The following PPP1R9A variants were observed in gnomAD, a reference collection of about 807,000 sequenced individuals.
The protein encoded by PPP1R9A is neurabin-1.
A neutral mutation model predicts 141.9 loss-of-function variants in PPP1R9A; 59 were observed. That is an observed-to-expected ratio of 0.42 (90% CI 0.34 to 0.52). PPP1R9A has a LOEUF of 0.52. Ranked by LOEUF, PPP1R9A falls within the 20% of genes least tolerant of loss-of-function variation. PPP1R9A has a pLI of 0.10. For synonymous variants in PPP1R9A, 500 were observed against 569.7 expected, an observed-to-expected ratio of 0.88 and a Z score of 1.74; for missense variants, 1,444 against 1,611.9, an observed-to-expected ratio of 0.90 and a Z score of 1.78.
rs941590203 is a variant in PPP1R9A at position 95,084,337 on chromosome 7, C to A, written c.1396-26922C>A. Among the ~76,000 whole-genome samples the A allele has an allele frequency of 3.9e-5, 6 of 151,904 alleles. No homozygotes were observed. In the East Asian group the frequency reaches 7.7e-4, roughly 19 times the overall value. Reference sequence around the variant, plus strand: ...TAAAAATTAACTTTAATAGTGAAATCTTGAAAAAATAGGCTAAACGTCACT... The same window carrying A: ...TAAAAATTAACTTTAATAGTGAAATATTGAAAAAATAGGCTAAACGTCACT... On this transcript the variant is annotated intron_variant, in intron 2 of 19. Transcript: ENST00000433360.
At chr7:95,029,291 A>G (rs1417687577) in intron 2 of PPP1R9A, among the ~76,000 whole-genome samples, 1 of 152,114 alleles carries the variant, frequency 6.6e-6, no homozygotes, top group Non-Finnish European at 1.5e-5. Context: ...TATTATTGTT[A>G]TTGTTATTAT....
intron 2 of PPP1R9A, among the ~76,000 whole-genome samples, chr7:94,963,357 A>G (rs987254807): frequency 2.0e-5 from 3 of 152,082 alleles, no homozygotes; most frequent in Non-Finnish European, 2.9e-5. Context: ...TTTTTATAGC[A>G]GCTTTATTGA....
chr7:94,970,010 G>T lies in PPP1R9A; in HGVS notation c.1395+58502G>T, dbSNP rs528647368. 2.0e-5 allele frequency among the ~76,000 whole-genome samples: 3 copies of T among 152,248 alleles called. No homozygotes were observed. The East Asian group carries it at 5.8e-4, about 30-fold the overall frequency. ...GACACCCCTGCCCCCACCAAGCTGG[G>T]GTGTCCCAGGTCGACTTCATACTGC... On this transcript the variant is annotated intron_variant, in intron 2 of 19. Coordinates refer to ENST00000433360, the MANE Select transcript of PPP1R9A (RefSeq NM_001166160.2).
intron 8 of PPP1R9A, 46 bp downstream of exon 8, chr7:95,226,162 A>G (rs1585345782): frequency 4.5e-6 from 7 of 1,552,900 alleles, no homozygotes; most frequent in Non-Finnish European, 6.2e-6. Flanking sequence ...TGTCCATTTC[A>G]TTAAGTATAT....
chr7:95,122,259 G>T (rs1050143602), intron 4 of PPP1R9A, among the ~76,000 whole-genome samples: 1 of 150,392 alleles, frequency 6.6e-6, no homozygotes, highest in African/African-American at 2.5e-5. Flanking sequence ...TGATTCTCCT[G>T]CCTCAGCCTT....
intron 5 of PPP1R9A, among the ~76,000 whole-genome samples, chr7:95,168,355 A>G (rs970693435): frequency 2.6e-5 from 4 of 152,248 alleles, no homozygotes; most frequent in African/African-American, 4.8e-5. Context: ...GGAGAATGAA[A>G]CTGGACCCTT....
At chr7:95,015,217 A>AATATAT (rs139234228) in intron 2 of PPP1R9A, among the ~76,000 whole-genome samples, 14,319 of 149,314 alleles carry the variant, frequency 0.096, 1,011 homozygotes, top group African/African-American at 0.2. Context: ...TACACACACG[A>AATATAT]ATATATATAT....
intron 2 of PPP1R9A, among the ~76,000 whole-genome samples, chr7:95,073,066 A>G (rs751268038): frequency 6.8e-6 from 1 of 146,738 alleles, no homozygotes; most frequent in Non-Finnish European, 1.5e-5. Flanking sequence ...GCTCACTGTG[A>G]GCTCCGCTTC....
chr7:94,999,787 TTATTTA>T (rs1268459324), intron 2 of PPP1R9A, among the ~76,000 whole-genome samples: 1 of 148,372 alleles, frequency 6.7e-6, no homozygotes, highest in East Asian at 2.1e-4. Flanking sequence ...TTTTATTTAT[TTATTTA>T]TTTATTTATT....
chr7:95,134,959 TC>T (rs1217153376), intron 4 of PPP1R9A, among the ~76,000 whole-genome samples: 1 of 152,240 alleles, frequency 6.6e-6, no homozygotes, highest in Non-Finnish European at 1.5e-5. Flanking sequence ...CTGATGACTT[TC>T]GTTATTTGGA....
intron 2 of PPP1R9A, among the ~76,000 whole-genome samples, chr7:94,963,292 A>G (rs918582370): frequency 6.6e-6 from 1 of 152,134 alleles, no homozygotes; most frequent in Non-Finnish European, 1.5e-5. Context: ...TTTCTTAATG[A>G]GACTTTCTAA....
chr7:95,127,513 T>TA (rs1258376077), intron 4 of PPP1R9A, among the ~76,000 whole-genome samples: 1 of 151,696 alleles, frequency 6.6e-6, no homozygotes, highest in African/African-American at 2.4e-5. Context: ...CTTTCTTTTT[T>TA]TTTTTTAAAC....
intron 2 of PPP1R9A, among the ~76,000 whole-genome samples, chr7:94,999,678 TCTC>T (rs1802615578): frequency 6.6e-6 from 1 of 152,062 alleles, no homozygotes; most frequent in Non-Finnish European, 1.5e-5. Context: ...CAACAAAACA[TCTC>T]CTAAGAAATT....
In PPP1R9A at chr7:95,269,162, G is replaced by C. The variant is rs1417021971; in HGVS notation, c.2824-45G>C. Reference sequence around the variant, plus strand: ...TTCAAAGTAAGTATTGCATAGAACTGATACTCAGTGGCATAACCTTCCTTA... The same window carrying C: ...TTCAAAGTAAGTATTGCATAGAACTCATACTCAGTGGCATAACCTTCCTTA... On this transcript the variant is annotated intron_variant, in intron 13 of 19. Coordinates refer to ENST00000433360, the MANE Select transcript of PPP1R9A (RefSeq NM_001166160.2). The C allele has an allele frequency of 2.7e-6, 4 of 1,470,152 alleles. No homozygotes were observed. The South Asian group carries it at 4.8e-5, about 18-fold the overall frequency. 91.1% of individuals were successfully genotyped at this position (1,470,152 alleles called of 1,614,324 possible). A position where few individuals can be genotyped will look rare whatever the true frequency, so the allele number is the denominator to read the frequency against.
chr7:95,194,663 C>G (rs982946221), intron 5 of PPP1R9A, among the ~76,000 whole-genome samples: 3 of 148,218 alleles, frequency 2.0e-5, no homozygotes, highest in Middle Eastern at 3.2e-3. Context: ...TATGTCTATA[C>G]TTTAAAAACA....
chr7:95,072,801 T>C (rs1814105249), intron 2 of PPP1R9A, among the ~76,000 whole-genome samples: 1 of 95,504 alleles, frequency 1.0e-5, no homozygotes, highest in Non-Finnish European at 1.9e-5. Context: ...ATTATATTTA[T>C]AATTATTATA....
At chr7:95,223,303 A>G (rs138432788) in intron 7 of PPP1R9A, among the ~76,000 whole-genome samples, 33 of 152,184 alleles carry the variant, frequency 2.2e-4, no homozygotes, top group African/African-American at 7.5e-4. Context: ...GTTTATTAAG[A>G]TAATTTTCAT....
rs142083555 is a variant in PPP1R9A at position 95,239,901 on chromosome 7, G to A, written c.2113-7572G>A. Among the ~76,000 whole-genome samples the A allele has an allele frequency of 4.3e-3, 652 of 151,936 alleles. 4 individuals carry two copies. The highest frequency in any genetic ancestry group is 0.014 in the African/African-American group (587 of 41,508). On this transcript the variant is annotated intron_variant, in intron 8 of 19. Transcript: ENST00000433360. ...TTTGATACACTCTTGGGTTCTAAGC[G>A]AGATTATTAAAATATAATTGTTACA... is the stretch of plus-strand genomic sequence containing the variant.
At chr7:95,066,279 C>T (rs1812938222) in intron 2 of PPP1R9A, among the ~76,000 whole-genome samples, 1 of 152,206 alleles carries the variant, frequency 6.6e-6, no homozygotes, top group Non-Finnish European at 1.5e-5. Context: ...ACCCTGCCAA[C>T]ACCTTGATCT....
Sources: allele counts gnomAD v4.1 joint callset (sites outside exome capture counted in the v4.1 genomes callset), GRCh38; gene constraint gnomAD v4.1.1; transcripts MANE v1.5; gene names NCBI Gene and HGNC (gene_info 2026-07-23, HGNC 2026-07-21).